Variants in ADA observed in about 807,000 individuals in gnomAD.
ADA encodes the protein adenosine deaminase.
ADA carries 45 observed loss-of-function variants against 49.0 expected under a neutral mutation model. The ratio of observed to expected loss-of-function variants is 0.92; its 90% CI spans 0.72 to 1.18. The LOEUF (loss-of-function observed/expected upper bound fraction) is 1.18. Ranked by LOEUF, ADA falls within the 50% of genes most tolerant of loss-of-function variation. ADA has a pLI of 0.00. For synonymous variants in ADA, 173 were observed against 184.2 expected, an observed-to-expected ratio of 0.94 and a Z score of 0.49; for missense variants, 445 against 472.5, an observed-to-expected ratio of 0.94 and a Z score of 0.54.
At chr20:44,642,445 C>T (rs1249327959) in intron 1 of ADA, among the ~76,000 whole-genome samples, 2 of 152,172 alleles carry the variant, frequency 1.3e-5, no homozygotes, top group African/African-American at 4.8e-5. Context: ...GAAAAGATCA[C>T]TTAAAGGGGG....
At chr20:44,620,555 A>AGT (rs1294705188) in intron 10 of ADA, 154 bp from the exon 11 acceptor site, 24 of 719,054 alleles carry the variant, frequency 3.3e-5, no homozygotes, top group Middle Eastern at 5.7e-4. Flanking sequence ...CAAGTGCCAG[A>AGT]GTAGAGACCA....
chr20:44,649,730 CTTTTTT>C (rs755647195), intron 1 of ADA, among the ~76,000 whole-genome samples: 2 of 81,856 alleles, frequency 2.4e-5, no homozygotes, highest in South Asian at 4.8e-4. Context: ...ATCAAGGAGC[CTTTTTT>C]TTTTTTTTTT....
chr20:44,646,596 A>G (rs2065594263), intron 1 of ADA, among the ~76,000 whole-genome samples: 1 of 151,968 alleles, frequency 6.6e-6, no homozygotes, highest in Non-Finnish European at 1.5e-5. Flanking sequence ...ACCAATCAGC[A>G]TGTCAGTTTC....
At chr20:44,620,189 A>G (rs1330268497) in intron 11 of ADA, 110 bp downstream of exon 11, 1 of 990,368 alleles carries the variant, frequency 1.0e-6, no homozygotes, top group East Asian at 2.4e-5. Context: ...GAGTCATCAC[A>G]CATTCATGGC....
chr20:44,637,284 C>G (rs2065489537), intron 1 of ADA, among the ~76,000 whole-genome samples: 1 of 152,176 alleles, frequency 6.6e-6, no homozygotes. Flanking sequence ...CCTCTCTGAG[C>G]CTCAGTTTCC....
At chr20:44,641,894 A>G (rs1346558020) in intron 1 of ADA, among the ~76,000 whole-genome samples, 10 of 151,618 alleles carry the variant, frequency 6.6e-5, no homozygotes, top group African/African-American at 2.4e-4. Context: ...CAGCCTCCCA[A>G]GTAGCTGGGA....
At chr20:44,630,654 T>C (rs146296097) in intron 2 of ADA, among the ~76,000 whole-genome samples, 144 of 151,962 alleles carry the variant, frequency 9.5e-4, no homozygotes, top group Middle Eastern at 3.4e-3. Context: ...TGATGAAAAA[T>C]AGGAGTAAAC....
chr20:44,638,943 G>T (rs567315181), intron 1 of ADA, among the ~76,000 whole-genome samples: 30 of 152,226 alleles, frequency 2.0e-4, no homozygotes, highest in African/African-American at 7.0e-4. Flanking sequence ...CATGTGCAAG[G>T]CCCTATGGCA....
In ADA at chr20:44,651,072, C is replaced by T. The variant is rs73302332; in HGVS notation, c.33+503G>A. Among the ~76,000 whole-genome samples, 642 of 152,318 alleles carry T rather than the reference C, an allele frequency of 4.2e-3. 6 individuals are homozygous for T. Among genetic ancestry groups the T allele is most frequent in the African/African-American group, 0.015 (608 of 41,566 alleles). On this transcript the variant is annotated intron_variant, in intron 1 of 11. Coordinates refer to ENST00000372874, the MANE Select transcript of ADA (RefSeq NM_000022.4). ...GGGGTGCTCTGCTCCCCTCCCTCCCCTTTCTGGCAGGGCTCACGGTTCTTC... is the reference window on the plus strand; with the variant it reads ...GGGGTGCTCTGCTCCCCTCCCTCCCTTTTCTGGCAGGGCTCACGGTTCTTC...
At chr20:44,644,668 G>A (rs1282632116) in intron 1 of ADA, among the ~76,000 whole-genome samples, 1 of 152,238 alleles carries the variant, frequency 6.6e-6, no homozygotes, top group South Asian at 2.1e-4. Flanking sequence ...CTTTTAGTGT[G>A]AGGCCAGGAG....
chr20:44,625,471 G>A (rs915664364), intron 5 of ADA, 98 bp downstream of exon 5: 29 of 1,115,202 alleles, frequency 2.6e-5, no homozygotes, highest in Admixed American at 2.0e-5. Flanking sequence ...ATGGGGCTGT[G>A]GGGCACAGGG....
chr20:44,647,960 C>A (rs147026581), intron 1 of ADA, among the ~76,000 whole-genome samples: 1 of 151,926 alleles, frequency 6.6e-6, no homozygotes, highest in Non-Finnish European at 1.5e-5. Context: ...GCAGGAGGAT[C>A]GCATGAACCC....
chr20:44,636,806 G>A (rs532852682), intron 1 of ADA, among the ~76,000 whole-genome samples: 46 of 152,098 alleles, frequency 3.0e-4, no homozygotes, highest in Non-Finnish European at 4.6e-4. Context: ...ATCCATTTTC[G>A]TTTTCTTTTT....
At chr20:44,627,037 C>G (rs953698574) in intron 3 of ADA, among the ~76,000 whole-genome samples, 4 of 152,118 alleles carry the variant, frequency 2.6e-5, no homozygotes, top group Admixed American at 2.0e-4. Context: ...CCAGCACCTT[C>G]CTTCTCCCTC....
chr20:44,628,958 T>A, intron 3 of ADA, 89 bp downstream of exon 3: 1 of 1,595,848 alleles, frequency 6.3e-7, no homozygotes, highest in Non-Finnish European at 8.6e-7. Flanking sequence ...CAGAGCAACT[T>A]CTCTGGCCCC....
At chr20:44,639,798 G>C (rs576231810) in intron 1 of ADA, among the ~76,000 whole-genome samples, 4 of 152,266 alleles carry the variant, frequency 2.6e-5, no homozygotes, top group Admixed American at 6.5e-5. Context: ...AGAAGCCCAA[G>C]CTGGGAATGT....
chr20:44,647,682 C>A (rs371026996), intron 1 of ADA, among the ~76,000 whole-genome samples: 1 of 152,036 alleles, frequency 6.6e-6, no homozygotes, highest in East Asian at 1.9e-4. Context: ...CTTTGGGAAG[C>A]CAAGGTGGGA....
intron 2 of ADA, among the ~76,000 whole-genome samples, chr20:44,632,644 GCCA>G (rs1195669582): frequency 2.0e-5 from 3 of 152,132 alleles, no homozygotes; most frequent in African/African-American, 7.2e-5. Flanking sequence ...GCTGTCCCTG[GCCA>G]CCCACACAAG....
chr20:44,643,628 C>T (rs1335954287), intron 1 of ADA, among the ~76,000 whole-genome samples: 1 of 152,080 alleles, frequency 6.6e-6, no homozygotes, highest in Non-Finnish European at 1.5e-5. Context: ...CTGCCTCAGC[C>T]CAAGCCCTGC....
Sources: allele counts gnomAD v4.1 joint callset (sites outside exome capture counted in the v4.1 genomes callset), GRCh38; gene constraint gnomAD v4.1.1; transcripts MANE v1.5; gene names NCBI Gene and HGNC (gene_info 2026-07-23, HGNC 2026-07-21).